THTPA: variants seen among roughly 807,000 people sequenced by gnomAD.
THTPA encodes the protein thiamine-triphosphatase.
A neutral mutation model predicts 16.5 loss-of-function variants in THTPA; 16 were observed. That is an observed-to-expected ratio of 0.97 (90% CI 0.66 to 1.47). THTPA has a LOEUF of 1.47. Ranked by LOEUF, THTPA falls within the 40% of genes most tolerant of loss-of-function variation. The pLI is 0.00. For synonymous variants in THTPA, 110 were observed against 115.5 expected (o/e 0.95, Z 0.30); for missense variants, 281 against 280.9 (o/e 1.00, Z 0.00).
chr14:23,525,708 G>T, the THTPA span: 1 of 1,522,042 alleles, frequency 6.6e-7, no homozygotes, highest in South Asian at 1.2e-5. The surrounding 1 kb of genome is among the most constrained non-coding windows in gnomAD (Gnocchi z 5.9). Flanking sequence ...ATGGGGGGCC[G>T]CTCCCACTCC....
the THTPA span, among the ~76,000 whole-genome samples, chr14:23,536,801 C>A: frequency 6.6e-6 from 1 of 152,124 alleles, no homozygotes; most frequent in East Asian, 1.9e-4. Context: ...TAGACTGTCC[C>A]TTGGACACAA....
rs1460554244 is a variant in THTPA at position 23,557,207 on chromosome 14, C to T, written c.450C>T (p.Asp150=). 1 of 1,613,978 alleles carries T rather than the reference C, an allele frequency of 6.2e-7. No homozygotes were observed. Among genetic ancestry groups the T allele is most frequent in the Admixed American group, 1.7e-5 (1 of 60,002 alleles). The part of the protein sequence containing the change: ...PQLRVDLDTA[D]FGYAVGEVEA... ...TCAGGGTGGACTTGGATACAGCCGACTTTGGCTACGCTGTGGGTGAGGTAG... is the reference window on the plus strand; with the variant it reads ...TCAGGGTGGACTTGGATACAGCCGATTTTGGCTACGCTGTGGGTGAGGTAG... The change falls in exon 1 of 2, where the codon GAC becomes GAT. Residue 150 remains aspartate (D), a synonymous_variant. Coordinates refer to ENST00000288014, the MANE Select transcript of THTPA (RefSeq NM_024328.6).
chr14:23,540,717 GA>G, the THTPA span, among the ~76,000 whole-genome samples: 2 of 152,160 alleles, frequency 1.3e-5, no homozygotes, highest in Non-Finnish European at 2.9e-5. Flanking sequence ...CCTTATCTGG[GA>G]AAATGGGAAT....
the THTPA span, chr14:23,533,480 C>G: frequency 2.6e-6 from 4 of 1,535,946 alleles, no homozygotes; most frequent in Non-Finnish European, 3.5e-6. This position sits in a 1 kb window ranked among gnomAD's most constrained non-coding sequence, Gnocchi z 4.8. Flanking sequence ...GGAGGAGGGC[C>G]TGGCCCCATC....
the THTPA span, chr14:23,531,203 ACTC>A: frequency 3.1e-6 from 1 of 320,906 alleles, no homozygotes; most frequent in East Asian, 5.3e-5. Context: ...ACTAGTCACT[ACTC>A]AGAATCACTG....
rs772855010 is a variant in THTPA at position 23,556,747 on chromosome 14, T to C, written c.-11T>C. 2 of 1,609,864 alleles carry C rather than the reference T, an allele frequency of 1.2e-6. No homozygotes were observed. ...ACTCAGCAAACGTTTGTTCAGCCAA[T>C]TGCAGGTAGCATGGCCCAGGGCTTG... On this transcript the variant is annotated 5_prime_UTR_variant, in exon 1 of 2. Transcript: ENST00000288014.
chr14:23,528,958 G>A, the THTPA span: 2 of 496,042 alleles, frequency 4.0e-6, no homozygotes, highest in African/African-American at 2.1e-5. Context: ...CTAGCCCCTG[G>A]AGCAGACATC....
At chr14:23,513,954 GAGGGAGTGTGCCACCGTACCC>G in the THTPA span, 4 of 152,874 alleles carry the variant, frequency 2.6e-5, no homozygotes, top group African/African-American at 9.6e-5. Flanking sequence ...AGCCAGGGAG[GAGGGAGTGTGCCACCGTACCC>G]AGGGAGAACT....
chr14:23,535,194 G>A, the THTPA span: 60 of 1,530,458 alleles, frequency 3.9e-5, no homozygotes, highest in Non-Finnish European at 5.2e-5. This position sits in a 1 kb window ranked among gnomAD's most constrained non-coding sequence, Gnocchi z 4.5. Flanking sequence ...AGGTGGAGGA[G>A]GCAGCAGGGG....
upstream of THTPA, among the ~76,000 whole-genome samples, chr14:23,555,032 G>T (rs201375964): frequency 1.8e-4 from 27 of 152,308 alleles, no homozygotes; most frequent in East Asian, 3.5e-3. Context: ...CTGTCGCCCA[G>T]GCTGGAGTGC....
upstream of THTPA, chr14:23,555,935 C>T (rs1882328770): frequency 6.6e-6 from 1 of 152,284 alleles, no homozygotes; most frequent in Non-Finnish European, 1.5e-5. Flanking sequence ...TTCCTGTCGC[C>T]ATAGCGACGG....
At chr14:23,526,622 G>C in the THTPA span, 3 of 1,535,980 alleles carry the variant, frequency 2.0e-6, no homozygotes, top group African/African-American at 2.7e-5. Flanking sequence ...CTCAACTGAG[G>C]CCAGGGGAGG....
the THTPA span, chr14:23,525,252 C>A: frequency 6.5e-7 from 1 of 1,536,118 alleles, no homozygotes; most frequent in Non-Finnish European, 8.7e-7. This position sits in a 1 kb window ranked among gnomAD's most constrained non-coding sequence, Gnocchi z 5.9. Flanking sequence ...TCTTCAGGGG[C>A]ACGGGTCCCC....
the THTPA span, among the ~76,000 whole-genome samples, chr14:23,539,735 GC>G: frequency 2.9e-3 from 446 of 152,240 alleles, 4 homozygotes; most frequent in Middle Eastern, 0.024. Context: ...CTTTGGTACA[GC>G]CCCCTCCCAC....
At position 23,559,947 on chromosome 14, in the gene THTPA, A is replaced by G. The variant is rs1883284651; in HGVS notation, c.*1107A>G. On this transcript the variant is annotated 3_prime_UTR_variant, in exon 2 of 2. Transcript: ENST00000288014. ...AACTCCTGAAGCTCACCTTGTTAGG[A>G]TTGAGGATTCTGAAGAGCTGGGTGA... 1.2e-6 allele frequency: 2 copies of G among 1,613,032 alleles called. No homozygotes were observed. The highest frequency in any genetic ancestry group is 4.5e-5 in the East Asian group (2 of 44,870).
rs1215570416 is a variant in THTPA, at chr14:23,556,722, A to T, written c.-36A>T. The T allele has an allele frequency of 6.3e-7, 1 of 1,590,024 alleles. No individual in the cohort carries two copies. The highest frequency in any genetic ancestry group is 1.2e-5 in the South Asian group (1 of 85,990). ...AGCACCAGGCTTTGCATCCTTGGGA[A>T]CTCAGCAAACGTTTGTTCAGCCAAT... On this transcript the variant is annotated 5_prime_UTR_variant, in exon 1 of 2. Coordinates refer to ENST00000288014, the MANE Select transcript of THTPA (RefSeq NM_024328.6).
At chr14:23,525,698 A>G in the THTPA span, 1 of 1,526,334 alleles carries the variant, frequency 6.6e-7, no homozygotes, top group Non-Finnish European at 8.8e-7. The surrounding 1 kb of genome is among the most constrained non-coding windows in gnomAD (Gnocchi z 5.9). Context: ...CTCTTTGGCC[A>G]TGGGGGGCCG....
chr14:23,521,920 G>A, the THTPA span: 1 of 1,533,538 alleles, frequency 6.5e-7, no homozygotes, highest in African/African-American at 1.4e-5. Context: ...GTAAAAGAGG[G>A]AGCCCTGAGG....
the THTPA span, chr14:23,522,628 G>A: frequency 3.3e-6 from 5 of 1,534,860 alleles, no homozygotes; most frequent in Non-Finnish European, 4.4e-6. Flanking sequence ...CCCCAGCAGG[G>A]GGCAATGGAA....
Sources: allele counts gnomAD v4.1 joint callset (sites outside exome capture counted in the v4.1 genomes callset), GRCh38; gene constraint gnomAD v4.1.1; non-coding constraint Gnocchi (gnomAD v3.1); transcripts MANE v1.5; gene names NCBI Gene and HGNC (gene_info 2026-07-23, HGNC 2026-07-21).